The following EYS variants were observed in gnomAD, a reference collection of about 807,000 sequenced individuals.
EYS encodes EGF-like photoreceptor maintenance factor, also known as protein eyes shut homolog.
A neutral mutation model predicts 282.1 loss-of-function variants in EYS; 250 were observed. The observed-to-expected ratio is 0.89, with a 90% CI of 0.80 to 0.98. The LOEUF (loss-of-function observed/expected upper bound fraction) is 0.98. Ranked by LOEUF, EYS falls within the 50% of genes least tolerant of loss-of-function variation. EYS has a pLI of 0.00. For missense variants in EYS, 4,016 were observed against 3,709.0 expected, an observed-to-expected ratio of 1.08 and a Z score of -2.15; for synonymous variants, 1,355 against 1,282.9, an observed-to-expected ratio of 1.06 and a Z score of -1.20.
intron 5 of EYS, among the ~76,000 whole-genome samples, chr6:65,469,880 A>G (rs2127237582): frequency 6.6e-6 from 1 of 152,326 alleles, no homozygotes; most frequent in African/African-American, 2.4e-5. Context: ...CTTTAGCCTA[A>G]GTATAGCAAT....
chr6:64,055,704 G>A (rs543890138), intron 33 of EYS, among the ~76,000 whole-genome samples: 1 of 152,180 alleles, frequency 6.6e-6, no homozygotes, highest in Non-Finnish European at 1.5e-5. Flanking sequence ...TTGTGGTTTT[G>A]GTATGATGAG....
At chr6:64,357,126 T>G (rs998105939) in intron 29 of EYS, among the ~76,000 whole-genome samples, 3 of 151,624 alleles carry the variant, frequency 2.0e-5, no homozygotes, top group Non-Finnish European at 4.4e-5. Context: ...TTAAGTAACT[T>G]GAATCAAAAC....
intron 31 of EYS, among the ~76,000 whole-genome samples, chr6:64,102,444 G>T (rs1055702581): frequency 6.6e-6 from 1 of 152,038 alleles, no homozygotes; most frequent in Non-Finnish European, 1.5e-5. Context: ...TATCTTAAAT[G>T]ATAATAAAAA....
At position 65,156,624 on chromosome 6, in the gene EYS, C is replaced by A. The variant is rs192683471; in HGVS notation, c.2024-98897G>T. Among the ~76,000 whole-genome samples, 369 of 151,282 alleles carry A rather than the reference C, an allele frequency of 2.4e-3. 4 individuals carry two copies. Among genetic ancestry groups the A allele is most frequent in the Middle Eastern group, 6.8e-3 (2 of 294 alleles). Reference sequence around the variant, plus strand: ...ACCCTCTCAATTTAAGGGAAATTTCCTCCACATTCCTCAGTCATTAGGACT... The same window carrying A: ...ACCCTCTCAATTTAAGGGAAATTTCATCCACATTCCTCAGTCATTAGGACT... On this transcript the variant is annotated intron_variant, in intron 12 of 42. Transcript: ENST00000503581.
Position 64,626,102 on chromosome 6 carries a change from T to C in EYS, c.3568+19A>G. On this transcript the variant is annotated intron_variant, in intron 23 of 42. Transcript: ENST00000503581. ...TATTATTATATATGCAGTATGCTTA[T>C]TATTTTTAAAATAATTACCTGGTTG... 7.0e-7 allele frequency: 1 copy of C among 1,438,556 alleles called. No homozygotes were observed. Among genetic ancestry groups the C allele is most frequent in the South Asian group, 1.3e-5 (1 of 78,492 alleles). 89.1% of individuals were successfully genotyped at this position (1,438,556 alleles called of 1,614,324 possible).
chr6:64,145,657 T>A (rs1774490026), intron 31 of EYS, among the ~76,000 whole-genome samples: 1 of 152,212 alleles, frequency 6.6e-6, no homozygotes, highest in African/African-American at 2.4e-5. Context: ...TTCTTTACTC[T>A]TGTAAGAAAG....
rs115320081 is a variant in EYS at position 63,917,557 on chromosome 6, G to A, written c.7056-53199C>T. 7.9e-3 allele frequency among the ~76,000 whole-genome samples: 1,199 copies of A among 152,232 alleles called. 16 individuals carry two copies. The highest frequency in any genetic ancestry group is 0.026 in the African/African-American group (1,094 of 41,522). On this transcript the variant is annotated intron_variant, in intron 35 of 42. Transcript: ENST00000503581. ...CCTTTCTTTATGTATTTTAAAATCC[G>A]TTTAGATAAATGCATAACTTATGAA...
intron 31 of EYS, among the ~76,000 whole-genome samples, chr6:64,150,644 C>T (rs1249110303): frequency 2.0e-5 from 3 of 152,078 alleles, no homozygotes; most frequent in African/African-American, 7.2e-5. Flanking sequence ...AGACACACAA[C>T]ATATATGTAC....
intron 14 of EYS, among the ~76,000 whole-genome samples, chr6:64,972,073 A>G (rs1185641262): frequency 1.3e-5 from 2 of 152,186 alleles, no homozygotes; most frequent in African/African-American, 4.8e-5. Flanking sequence ...GAGAAATTCA[A>G]GAGCTAACAC....
chr6:64,360,335 TG>T (rs1265992131), intron 29 of EYS, among the ~76,000 whole-genome samples: 1 of 151,694 alleles, frequency 6.6e-6, no homozygotes, highest in African/African-American at 2.4e-5. Flanking sequence ...TTGTGATATT[TG>T]GAGGGGCACG....
chr6:64,514,073 G>T (rs937350978), intron 26 of EYS, among the ~76,000 whole-genome samples: 1 of 151,648 alleles, frequency 6.6e-6, no homozygotes, highest in Non-Finnish European at 1.5e-5. Flanking sequence ...TTCTTCATCT[G>T]CATTGATATC....
chr6:64,756,779 A>G (rs1008169966), intron 22 of EYS, among the ~76,000 whole-genome samples: 9 of 152,206 alleles, frequency 5.9e-5, no homozygotes, highest in Non-Finnish European at 1.3e-4. Context: ...TCATAAGTGT[A>G]GAAATAAAGT....
intron 26 of EYS, among the ~76,000 whole-genome samples, chr6:64,452,565 A>G (rs957658712): frequency 2.2e-4 from 33 of 152,288 alleles, no homozygotes; most frequent in Admixed American, 5.9e-4. Flanking sequence ...ATCCTAAGCC[A>G]AAAGAACAAA....
intron 19 of EYS, among the ~76,000 whole-genome samples, chr6:64,851,499 G>A (rs1477947603): frequency 1.3e-5 from 2 of 152,014 alleles, no homozygotes; most frequent in African/African-American, 4.8e-5. Flanking sequence ...TTATTGATTT[G>A]ATGTTATTTA....
At chr6:65,620,803 G>T (rs1274720340) in intron 2 of EYS, among the ~76,000 whole-genome samples, 1 of 151,924 alleles carries the variant, frequency 6.6e-6, no homozygotes, top group Non-Finnish European at 1.5e-5. Flanking sequence ...CCTTCATTTT[G>T]TTATGTACCC....
At chr6:65,622,063 C>T (rs1485078464) in intron 2 of EYS, among the ~76,000 whole-genome samples, 1 of 152,136 alleles carries the variant, frequency 6.6e-6, no homozygotes, top group Non-Finnish European at 1.5e-5. Flanking sequence ...ATAAATTTAA[C>T]TGAACAACTT....
intron 2 of EYS, among the ~76,000 whole-genome samples, chr6:65,532,487 A>G (rs1420828235): frequency 6.6e-6 from 1 of 152,178 alleles, no homozygotes. Flanking sequence ...AGATCAAAAC[A>G]TTATTACAGC....
At chr6:65,505,303 CTT>C (rs747633929) in intron 2 of EYS, among the ~76,000 whole-genome samples, 1 of 151,654 alleles carries the variant, frequency 6.6e-6, no homozygotes, top group Non-Finnish European at 1.5e-5. Flanking sequence ...TCTTTTCTCC[CTT>C]GATTAGCCTG....
chr6:64,330,755 G>A (rs887807404), intron 29 of EYS, among the ~76,000 whole-genome samples: 2 of 152,104 alleles, frequency 1.3e-5, no homozygotes, highest in South Asian at 4.1e-4. Context: ...TGGAGCAGAG[G>A]GGGTATCGCT....
Sources: allele counts gnomAD v4.1 joint callset (sites outside exome capture counted in the v4.1 genomes callset), GRCh38; gene constraint gnomAD v4.1.1; transcripts MANE v1.5; gene names NCBI Gene and HGNC (gene_info 2026-07-23, HGNC 2026-07-21).